Variants in KHDRBS2 observed in about 807,000 individuals in gnomAD.
The protein encoded by KHDRBS2 is KH RNA binding domain containing, signal transduction associated 2, also known as KH domain-containing, RNA-binding, signal transduction-associated protein 2.
In KHDRBS2, 26 loss-of-function variants were observed where a neutral mutation model predicts 44.3. The observed-to-expected ratio is 0.59, with a 90% CI of 0.43 to 0.81. KHDRBS2 has a LOEUF of 0.81. Among genes scored for constraint, KHDRBS2 ranks in the 40% least tolerant of loss-of-function variants. The probability of loss-of-function intolerance (pLI) is 0.00; values close to 1 mark genes in which losing one functional copy is unlikely to be tolerated. For synonymous variants in KHDRBS2, 194 were observed against 151.1 expected, an observed-to-expected ratio of 1.28 and a Z score of -2.08; for missense variants, 476 against 433.1, an observed-to-expected ratio of 1.10 and a Z score of -0.88.
At chr6:61,668,151 T>A in the KHDRBS2 span, among the ~76,000 whole-genome samples, 7 of 150,964 alleles carry the variant, frequency 4.6e-5, no homozygotes, top group African/African-American at 1.7e-4. Flanking sequence ...AATACAGAAC[T>A]CTTAAAATGT....
chr6:61,746,317 T>A (rs997705500), intron 6 of KHDRBS2, among the ~76,000 whole-genome samples: 1 of 151,958 alleles, frequency 6.6e-6, no homozygotes, highest in African/African-American at 2.4e-5. Flanking sequence ...TTGCCCCCCA[T>A]CCCCGACAGG....
chr6:62,008,366 A>G (rs1412496978), intron 3 of KHDRBS2, among the ~76,000 whole-genome samples: 1 of 152,226 alleles, frequency 6.6e-6, no homozygotes, highest in Non-Finnish European at 1.5e-5. Context: ...TGTCCTTATG[A>G]AAATGAGGAC....
chr6:61,668,088 G>A, the KHDRBS2 span, among the ~76,000 whole-genome samples: 1 of 150,630 alleles, frequency 6.6e-6, no homozygotes, highest in African/African-American at 2.4e-5. Context: ...ATATTGTTAA[G>A]GCTTGCAAGA....
intron 1 of KHDRBS2, among the ~76,000 whole-genome samples, chr6:62,270,290 TCTCTCTCTCTC>T (rs1435214134): frequency 0.01 from 1,442 of 141,566 alleles, 10 homozygotes; most frequent in Non-Finnish European, 0.012. Context: ...TCTCTCTCTC[TCTCTCTCTCTC>T]CTCTCTCTCT....
At chr6:61,990,610 A>G (rs1408015158) in intron 3 of KHDRBS2, among the ~76,000 whole-genome samples, 2 of 152,188 alleles carry the variant, frequency 1.3e-5, no homozygotes, top group Non-Finnish European at 2.9e-5. Context: ...TAGAAATAAG[A>G]AGAATAACAT....
At chr6:62,262,447 T>C (rs1838507255) in intron 1 of KHDRBS2, among the ~76,000 whole-genome samples, 2 of 151,812 alleles carry the variant, frequency 1.3e-5, no homozygotes, top group Non-Finnish European at 1.5e-5. Context: ...TTTGAGGTTA[T>C]ATCACAGAAT....
intron 6 of KHDRBS2, among the ~76,000 whole-genome samples, chr6:61,847,264 T>C (rs1794554621): frequency 6.6e-6 from 1 of 152,168 alleles, no homozygotes; most frequent in Non-Finnish European, 1.5e-5. Flanking sequence ...GAGACTTTAC[T>C]TTAGAAAACT....
At chr6:61,550,831 T>G in the KHDRBS2 span, among the ~76,000 whole-genome samples, 2 of 146,812 alleles carry the variant, frequency 1.4e-5, no homozygotes, top group East Asian at 4.2e-4. Context: ...TGGAGTGTAG[T>G]GCATGATCTC....
At chr6:62,189,858 G>GT (rs1824227702) in intron 1 of KHDRBS2, among the ~76,000 whole-genome samples, 1 of 152,146 alleles carries the variant, frequency 6.6e-6, no homozygotes, top group South Asian at 2.1e-4. Context: ...TGGGAAAAAT[G>GT]TAAGTTGTAC....
At position 62,213,873 on chromosome 6, in the gene KHDRBS2, C is replaced by CAAAAAAAAAAAAAAAA. The variant is rs67482871; in HGVS notation, c.92-36577_92-36562dup. 8.0e-4 allele frequency among the ~76,000 whole-genome samples: 33 copies of CAAAAAAAAAAAAAAAA among 41,504 alleles called. 2 individuals are homozygous for CAAAAAAAAAAAAAAAA. The highest frequency in any genetic ancestry group is 1.0e-3 in the African/African-American group (11 of 10,872). The allele number at this position is 41,504 out of a possible 152,430, so 27.2% of individuals were successfully genotyped here. Reference sequence around the variant, plus strand: ...TGGGTGACAGAGCGAGACTCCATCTCAAAAAAAAAAAAAAAAAAAAAAAAA... The same window carrying CAAAAAAAAAAAAAAAA: ...TGGGTGACAGAGCGAGACTCCATCTCAAAAAAAAAAAAAAAAAAAAAAAAAAAAAAAAAAAAAAAAA... On this transcript the variant is annotated intron_variant, in intron 1 of 8. Coordinates refer to ENST00000281156, the MANE Select transcript of KHDRBS2 (RefSeq NM_152688.4).
intron 2 of KHDRBS2, among the ~76,000 whole-genome samples, chr6:62,058,518 T>C (rs1790839525): frequency 6.6e-6 from 1 of 151,864 alleles, no homozygotes; most frequent in Non-Finnish European, 1.5e-5. Flanking sequence ...TTGTTGCCAT[T>C]AAAACAAATT....
At chr6:62,263,034 A>C (rs1838623136) in intron 1 of KHDRBS2, among the ~76,000 whole-genome samples, 1 of 151,726 alleles carries the variant, frequency 6.6e-6, no homozygotes, top group African/African-American at 2.4e-5. Flanking sequence ...TAAACACTAA[A>C]ATTACATGAA....
At chr6:61,745,866 C>T (rs953788177) in intron 6 of KHDRBS2, among the ~76,000 whole-genome samples, 3 of 151,824 alleles carry the variant, frequency 2.0e-5, no homozygotes, top group East Asian at 1.9e-4. Flanking sequence ...ATTTTATTTG[C>T]TCACACCTTT....
At chr6:61,606,414 C>T in the KHDRBS2 span, among the ~76,000 whole-genome samples, 4 of 152,128 alleles carry the variant, frequency 2.6e-5, no homozygotes, top group Admixed American at 6.5e-5. Context: ...CCCTTTTGCC[C>T]TTCCCCTTCA....
intron 6 of KHDRBS2, among the ~76,000 whole-genome samples, chr6:61,872,261 C>A (rs1167016941): frequency 2.0e-5 from 3 of 151,928 alleles, no homozygotes; most frequent in Non-Finnish European, 2.9e-5. Context: ...CTGTGTTATT[C>A]AGGAAGCAGT....
chr6:62,176,603 A>G lies in KHDRBS2; in HGVS notation c.219+582T>C, dbSNP rs1019551969. On this transcript the variant is annotated intron_variant, in intron 2 of 8. Transcript: ENST00000281156. ...GAAATGTATGAATATAATTGATAAA[A>G]CCATGCCACTGAATGCTATCTTTTA... Among the ~76,000 whole-genome samples, 4 of 151,278 alleles carry G rather than the reference A, an allele frequency of 2.6e-5. No individual in the cohort carries two copies. In the Admixed American group the frequency reaches 2.6e-4, roughly 10 times the overall value.
At chr6:61,567,249 G>A in the KHDRBS2 span, among the ~76,000 whole-genome samples, 1 of 152,162 alleles carries the variant, frequency 6.6e-6, no homozygotes, top group Non-Finnish European at 1.5e-5. Context: ...ACAGCTGCAA[G>A]TTTTCTAAAG....
intron 2 of KHDRBS2, among the ~76,000 whole-genome samples, chr6:62,093,513 G>C (rs1799883409): frequency 6.6e-6 from 1 of 151,584 alleles, no homozygotes; most frequent in Non-Finnish European, 1.5e-5. Context: ...CTCTCTTCTT[G>C]GTACTTTGAA....
At chr6:61,921,558 T>C (rs1299395068) in intron 4 of KHDRBS2, among the ~76,000 whole-genome samples, 4 of 152,046 alleles carry the variant, frequency 2.6e-5, no homozygotes, top group African/African-American at 9.7e-5. Context: ...GAGTCAAATA[T>C]AAATTCTTTT....
Sources: gnomAD v4.1 joint callset for allele counts (sites outside exome capture counted in the v4.1 genomes callset) on GRCh38, gnomAD v4.1.1 for gene constraint, MANE v1.5 for transcripts, NCBI Gene and HGNC (gene_info 2026-07-23, HGNC 2026-07-21) for gene names.